CTNNA3: variants seen among roughly 807,000 people sequenced by gnomAD.
CTNNA3 encodes catenin alpha-3.
A neutral mutation model predicts 95.7 loss-of-function variants in CTNNA3; 76 were observed. The observed-to-expected ratio is 0.79, with a 90% CI of 0.66 to 0.96. The LOEUF is 0.96. Among genes scored for constraint, CTNNA3 ranks in the 40% least tolerant of loss-of-function variants. The probability of loss-of-function intolerance (pLI) is 0.00; values close to 1 mark genes in which losing one functional copy is unlikely to be tolerated. For missense variants in CTNNA3, 1,191 were observed against 1,089.8 expected, an observed-to-expected ratio of 1.09 and a Z score of -1.31; for synonymous variants, 431 against 374.4, an observed-to-expected ratio of 1.15 and a Z score of -1.74.
chr10:66,105,456 C>G (rs1444002600), intron 13 of CTNNA3, among the ~76,000 whole-genome samples: 1 of 152,188 alleles, frequency 6.6e-6, no homozygotes, highest in Non-Finnish European at 1.5e-5. Flanking sequence ...CTACTGTGAT[C>G]TATTCCTTAT....
chr10:66,754,645 T>C (rs1310587381), intron 9 of CTNNA3, among the ~76,000 whole-genome samples: 1 of 152,048 alleles, frequency 6.6e-6, no homozygotes, highest in Non-Finnish European at 1.5e-5. Context: ...CAAGAATTCA[T>C]AAAAATGGGC....
chr10:66,016,247 G>C (rs954480865), intron 15 of CTNNA3, among the ~76,000 whole-genome samples: 1 of 152,210 alleles, frequency 6.6e-6, no homozygotes, highest in African/African-American at 2.4e-5. Context: ...AGAAGGCCTA[G>C]TAGTTGTTTT....
intron 5 of CTNNA3, among the ~76,000 whole-genome samples, chr10:67,289,357 A>T (rs900807118): frequency 6.6e-6 from 1 of 152,198 alleles, no homozygotes; most frequent in Admixed American, 6.5e-5. Flanking sequence ...TATATGCCAG[A>T]GCTTCACATA....
chr10:67,666,000 A>T (rs149266794), intron 1 of CTNNA3, among the ~76,000 whole-genome samples: 211 of 152,344 alleles, frequency 1.4e-3, no homozygotes, highest in African/African-American at 4.5e-3. Context: ...CTTTCAGGTT[A>T]CTTAAGAATA....
intron 7 of CTNNA3, among the ~76,000 whole-genome samples, chr10:66,825,281 A>ATT (rs1442654649): frequency 2.0e-4 from 27 of 134,740 alleles, no homozygotes; most frequent in African/African-American, 6.0e-4. Context: ...ATATATATAT[A>ATT]TATTTTTTTT....
chr10:67,266,196 T>C (rs971674127), intron 5 of CTNNA3, among the ~76,000 whole-genome samples: 3 of 152,138 alleles, frequency 2.0e-5, no homozygotes, highest in Non-Finnish European at 4.4e-5. Context: ...AAGGACAGGA[T>C]ACTACAGAAA....
At chr10:67,241,427 A>T (rs1388227695) in intron 5 of CTNNA3, among the ~76,000 whole-genome samples, 1 of 152,180 alleles carries the variant, frequency 6.6e-6, no homozygotes, top group Non-Finnish European at 1.5e-5. Context: ...TTTCAAAAAA[A>T]AAAAAATCCA....
intron 17 of CTNNA3, among the ~76,000 whole-genome samples, chr10:65,949,149 C>A (rs1362793934): frequency 2.6e-5 from 4 of 152,074 alleles, no homozygotes; most frequent in African/African-American, 7.2e-5. Flanking sequence ...AGAACAAAGA[C>A]CTTGCTTATT....
chr10:66,980,341 T>C (rs1850345306), intron 7 of CTNNA3, among the ~76,000 whole-genome samples: 2 of 152,114 alleles, frequency 1.3e-5, no homozygotes, highest in African/African-American at 4.8e-5. Flanking sequence ...GGCGAGGAAA[T>C]GCTTACTGTC....
chr10:65,935,959 C>T (rs2077331202), intron 17 of CTNNA3, among the ~76,000 whole-genome samples: 1 of 151,964 alleles, frequency 6.6e-6, no homozygotes, highest in Admixed American at 6.6e-5. Flanking sequence ...AATAGACAGT[C>T]AAGAGTTTAG....
At chr10:67,351,970 T>G (rs533786011) in intron 5 of CTNNA3, among the ~76,000 whole-genome samples, 60 of 152,124 alleles carry the variant, frequency 3.9e-4, no homozygotes, top group Non-Finnish European at 6.8e-4. Context: ...CAAATGCAAT[T>G]TAATTCACCA....
chr10:66,121,675 C>A lies in CTNNA3; in HGVS notation c.1885-18426G>T, dbSNP rs528769261. ...GAGCAGCCTGGGCAACATGGTGAAACCCCTCTCTACAAAAAATTAGCAAGG... is the reference window on the plus strand; with the variant it reads ...GAGCAGCCTGGGCAACATGGTGAAAACCCTCTCTACAAAAAATTAGCAAGG... On this transcript the variant is annotated intron_variant, in intron 13 of 17. Coordinates refer to ENST00000433211, the MANE Select transcript of CTNNA3 (RefSeq NM_013266.4). 2.0e-4 allele frequency among the ~76,000 whole-genome samples: 30 copies of A among 152,170 alleles called. No individual in the cohort carries two copies. In the South Asian group the frequency reaches 5.2e-3, roughly 26 times the overall value.
At chr10:66,407,399 A>G (rs958639489) in intron 11 of CTNNA3, among the ~76,000 whole-genome samples, 2 of 152,080 alleles carry the variant, frequency 1.3e-5, no homozygotes, top group African/African-American at 2.4e-5. Flanking sequence ...ATCACATACT[A>G]TAGGAGAAAT....
intron 13 of CTNNA3, among the ~76,000 whole-genome samples, chr10:66,178,566 G>C (rs10996955): frequency 0.14 from 21,602 of 149,914 alleles, 2,006 homozygotes; most frequent in Admixed American, 0.24. Context: ...TTGATAAACT[G>C]GATTTCATCC....
chr10:66,855,410 TATG>T (rs1382539823), intron 7 of CTNNA3, among the ~76,000 whole-genome samples: 1 of 151,996 alleles, frequency 6.6e-6, no homozygotes, highest in Non-Finnish European at 1.5e-5. Flanking sequence ...TTACAATTAA[TATG>T]ATAAGTGTAA....
At chr10:67,403,030 C>G (rs925586044) in intron 5 of CTNNA3, among the ~76,000 whole-genome samples, 1 of 152,204 alleles carries the variant, frequency 6.6e-6, no homozygotes, top group African/African-American at 2.4e-5. Context: ...TAGTGCCTGC[C>G]TGAGATGGAA....
At chr10:66,123,231 T>C (rs1288292774) in intron 13 of CTNNA3, among the ~76,000 whole-genome samples, 1 of 152,038 alleles carries the variant, frequency 6.6e-6, no homozygotes, top group Non-Finnish European at 1.5e-5. Context: ...CAATTCCAAA[T>C]GGGAGAAATT....
chr10:66,492,985 G>A (rs1006651720), intron 11 of CTNNA3, among the ~76,000 whole-genome samples: 3 of 151,846 alleles, frequency 2.0e-5, no homozygotes, highest in African/African-American at 7.3e-5. Flanking sequence ...CATGAAAGGG[G>A]ACTTTCATGA....
At chr10:66,868,391 A>C (rs12770050) in intron 7 of CTNNA3, among the ~76,000 whole-genome samples, 22,070 of 151,314 alleles carry the variant, frequency 0.15, 2,057 homozygotes, top group African/African-American at 0.26. Context: ...AATAAAAAAA[A>C]CTGTAATTAA....
Sources: allele counts gnomAD v4.1 joint callset (sites outside exome capture counted in the v4.1 genomes callset), GRCh38; gene constraint gnomAD v4.1.1; transcripts MANE v1.5; gene names NCBI Gene and HGNC (gene_info 2026-07-23, HGNC 2026-07-21).